Variants in HMGA2 observed in about 807,000 individuals in gnomAD.
HMGA2 encodes high mobility group AT-hook 2.
In HMGA2, 8 loss-of-function variants were observed where a neutral mutation model predicts 19.1. The ratio of observed to expected loss-of-function variants is 0.42; its 90% confidence interval spans 0.25 to 0.76. The LOEUF (loss-of-function observed/expected upper bound fraction) is 0.76. Ranked by LOEUF, HMGA2 falls within the 30% of genes least tolerant of loss-of-function variation. The pLI, the probability that HMGA2 is intolerant of heterozygous loss-of-function variation, is 0.28. For synonymous variants in HMGA2, 60 were observed against 48.8 expected, an observed-to-expected ratio of 1.23 and a Z score of -0.96; for missense variants, 109 against 136.3, an observed-to-expected ratio of 0.80 and a Z score of 1.00.
chr12:65,831,873 A>C (rs1326180369), intron 2 of HMGA2, among the ~76,000 whole-genome samples: 1 of 151,960 alleles, frequency 6.6e-6, no homozygotes, highest in African/African-American at 2.4e-5. Flanking sequence ...GCCTAATTAA[A>C]AGGAGAAACC....
intron 3 of HMGA2, chr12:65,859,957 G>A: frequency 2.8e-6 from 1 of 354,420 alleles, no homozygotes; most frequent in Non-Finnish European, 5.7e-6. Context: ...CAGGTGTGTG[G>A]TGGCACACAC....
rs1870009137 is a variant in HMGA2, at chr12:65,824,541, GT to G, written c.-729del. 1 of 233,090 alleles carries G rather than the reference GT, an allele frequency of 4.3e-6. No individual in the cohort carries two copies. Among genetic ancestry groups the G allele is most frequent in the South Asian group, 1.8e-4 (1 of 5,514 alleles). 14.4% of individuals were successfully genotyped at this position (233,090 alleles called of 1,614,324 possible). On this transcript the variant is annotated 5_prime_UTR_variant, in exon 1 of 5. Transcript: ENST00000403681. ...TGCAAGACTCAGGAGCTAGCAGCCC[GT>G]CCCCCTCCGACTCTCCGGTGCCGCC...
At chr12:65,840,511 A>G (rs183001608) in intron 3 of HMGA2, among the ~76,000 whole-genome samples, 50 of 152,324 alleles carry the variant, frequency 3.3e-4, no homozygotes, top group African/African-American at 1.2e-3. Flanking sequence ...CAGGCTTCTT[A>G]CATGCACTCA....
intron 3 of HMGA2, among the ~76,000 whole-genome samples, chr12:65,845,208 C>T (rs1421386216): frequency 6.6e-6 from 1 of 151,932 alleles, no homozygotes; most frequent in Non-Finnish European, 1.5e-5. Context: ...TCCAGGAGAA[C>T]ATTTTTGTTG....
Position 65,963,262 on chromosome 12 carries a change from A to T in HMGA2, c.300A>T (p.Thr100=), listed in dbSNP as rs143880692. Residue 100 remains threonine (T), a synonymous_variant, in exon 5 of 5, where the codon ACA becomes ACT. Transcript: ENST00000403681. ...KKPAQEETEE[T]SSQESAEED ...TGTTCCAGGAGGAAACTGAAGAGAC[A>T]TCCTCACAAGAGTCTGCCGAAGAGG... 2.7e-5 allele frequency: 44 copies of T among 1,613,760 alleles called. No homozygotes were observed. In the African/African-American group the frequency reaches 5.1e-4, roughly 19 times the overall value.
At chr12:65,836,364 GA>G (rs58470265) in intron 2 of HMGA2, among the ~76,000 whole-genome samples, 29,856 of 104,758 alleles carry the variant, frequency 0.28, 6,195 homozygotes, top group African/African-American at 0.6. Context: ...GTCTCAAAAA[GA>G]AAAAAAAAAA....
intron 2 of HMGA2, chr12:65,830,958 T>C (rs1193591450): frequency 1.3e-5 from 2 of 151,914 alleles, no homozygotes; most frequent in African/African-American, 4.8e-5. Context: ...ATGATTCTAG[T>C]CATTCCTCAG....
intron 3 of HMGA2, among the ~76,000 whole-genome samples, chr12:65,904,753 GT>G (rs1874513684): frequency 6.6e-6 from 1 of 152,136 alleles, no homozygotes. Flanking sequence ...TTTTGGTTAG[GT>G]AAATTATAGA....
At position 65,906,352 on chromosome 12, in the gene HMGA2, C is replaced by T. The variant is rs553449523; in HGVS notation, c.250-45031C>T. Among the ~76,000 whole-genome samples the T allele has an allele frequency of 2.0e-4, 31 of 152,204 alleles. No individual in the cohort carries two copies. In the South Asian group the frequency reaches 6.0e-3, roughly 30 times the overall value. The stretch of plus-strand genomic sequence containing the variant: ...GGGTCAGTGCCTCCGATGATAGCAT[C>T]TTATGGGCATACAGATTTGTTGCCA... On this transcript the variant is annotated intron_variant, in intron 3 of 4. Coordinates refer to ENST00000403681, the MANE Select transcript of HMGA2 (RefSeq NM_003483.6).
intron 3 of HMGA2, among the ~76,000 whole-genome samples, chr12:65,931,803 G>C (rs1046596745): frequency 6.6e-6 from 1 of 152,040 alleles, no homozygotes; most frequent in Non-Finnish European, 1.5e-5. Flanking sequence ...GTTTAAACTT[G>C]ACAGGAGGCT....
At chr12:65,828,372 C>G (rs1460121) in intron 2 of HMGA2, 43,501 of 143,370 alleles carry the variant, frequency 0.3, 8,566 homozygotes, top group African/African-American at 0.64. Flanking sequence ...GAAGGGGTTG[C>G]GGGGGGGGCG....
intron 3 of HMGA2, among the ~76,000 whole-genome samples, chr12:65,850,782 G>C (rs1871426764): frequency 6.6e-6 from 1 of 152,056 alleles, no homozygotes; most frequent in Non-Finnish European, 1.5e-5. Context: ...TAATTCACTT[G>C]CAGTCTTGAA....
rs186943154 is a variant in HMGA2, at chr12:65,853,464, T to A, written c.249+14895T>A. Among the ~76,000 whole-genome samples, 370 of 152,310 alleles carry A rather than the reference T, an allele frequency of 2.4e-3. 3 individuals are homozygous for A. The highest frequency in any genetic ancestry group is 8.2e-3 in the African/African-American group (341 of 41,560). The stretch of plus-strand genomic sequence containing the variant: ...GCTGAAAGTACATAAGTTTGAGTAG[T>A]CTAGAGTGGAATGTGGTTAAATATC... On this transcript the variant is annotated intron_variant, in intron 3 of 4. Transcript: ENST00000403681.
chr12:65,946,683 C>T (rs1420757438), intron 3 of HMGA2, among the ~76,000 whole-genome samples: 1 of 152,086 alleles, frequency 6.6e-6, no homozygotes, highest in Non-Finnish European at 1.5e-5. Flanking sequence ...CTTCCTGGAA[C>T]CATAGATTGT....
intron 3 of HMGA2, among the ~76,000 whole-genome samples, chr12:65,871,787 T>G (rs1311346705): frequency 6.6e-6 from 1 of 152,218 alleles, no homozygotes; most frequent in East Asian, 1.9e-4. Flanking sequence ...ACTTCCAGTT[T>G]GACTTCTGCC....
intron 4 of HMGA2, among the ~76,000 whole-genome samples, chr12:65,961,791 G>T (rs1876759326): frequency 6.6e-6 from 1 of 152,072 alleles, no homozygotes; most frequent in South Asian, 2.1e-4. Context: ...GTGAATGTGT[G>T]AGTGCCCATT....
chr12:65,953,359 T>A (rs1876518254), intron 4 of HMGA2: 1 of 152,132 alleles, frequency 6.6e-6, no homozygotes, highest in Non-Finnish European at 1.5e-5. Context: ...ATCAAGGGGA[T>A]GATAAGACTG....
intron 3 of HMGA2, 22 bp from the exon 4 acceptor site, chr12:65,951,361 A>T: frequency 6.8e-7 from 1 of 1,464,980 alleles, no homozygotes; most frequent in Non-Finnish European, 9.2e-7. Context: ...TTTAAAATAT[A>T]TCTTTTTCTT....
intron 3 of HMGA2, chr12:65,859,685 T>G (rs186044203): frequency 2.4e-4 from 36 of 153,042 alleles, no homozygotes; most frequent in Non-Finnish European, 5.8e-5. Context: ...AGAAGTGGGC[T>G]GTCTCATCCT....
Sources: allele counts gnomAD v4.1 joint callset (sites outside exome capture counted in the v4.1 genomes callset), GRCh38; gene constraint gnomAD v4.1.1; transcripts MANE v1.5; gene names NCBI Gene and HGNC (gene_info 2026-07-23, HGNC 2026-07-21).